SLC25A21: variants seen among roughly 807,000 people sequenced by gnomAD.
SLC25A21 encodes solute carrier family 25 member 21, also known as mitochondrial 2-oxodicarboxylate carrier.
SLC25A21 carries 47 observed loss-of-function variants against 43.8 expected under a neutral mutation model. The ratio of observed to expected loss-of-function variants is 1.07; its 90% CI spans 0.85 to 1.37. SLC25A21 has a LOEUF of 1.37. Ranked by LOEUF, SLC25A21 falls within the 40% of genes most tolerant of loss-of-function variation. SLC25A21 has a pLI of 0.00. For synonymous variants in SLC25A21, 131 were observed against 121.3 expected (o/e 1.08, Z -0.52); for missense variants, 352 against 350.2 (o/e 1.00, Z -0.04).
At chr14:37,001,718 A>G (rs1960494280) in intron 1 of SLC25A21, among the ~76,000 whole-genome samples, 2 of 152,118 alleles carry the variant, frequency 1.3e-5, no homozygotes, top group Admixed American at 6.6e-5. Context: ...CCTACTCACA[A>G]AGAGCTGACT....
At chr14:36,880,304 C>T (rs766253289) in intron 1 of SLC25A21, among the ~76,000 whole-genome samples, 64 of 152,308 alleles carry the variant, frequency 4.2e-4, no homozygotes, top group African/African-American at 1.5e-3. Context: ...CACAGCACAG[C>T]AACAAGACAG....
At chr14:36,822,802 T>G (rs985700625) in intron 2 of SLC25A21, among the ~76,000 whole-genome samples, 4 of 152,242 alleles carry the variant, frequency 2.6e-5, no homozygotes, top group African/African-American at 9.6e-5. Context: ...TGCAGTTCCT[T>G]TCACAAGCCA....
At chr14:36,798,554 G>C in intron 3 of SLC25A21, among the ~76,000 whole-genome samples, 1 of 123,624 alleles carries the variant, frequency 8.1e-6, no homozygotes, top group East Asian at 2.6e-4. Flanking sequence ...CCAGAGCTGG[G>C]TTTTTTTTTT....
At chr14:36,802,934 C>T (rs1887918224) in intron 3 of SLC25A21, among the ~76,000 whole-genome samples, 1 of 152,162 alleles carries the variant, frequency 6.6e-6, no homozygotes, top group Non-Finnish European at 1.5e-5. Flanking sequence ...CCAACACTTA[C>T]TGGCAAAATT....
intron 3 of SLC25A21, among the ~76,000 whole-genome samples, chr14:36,768,213 T>C (rs958552285): frequency 6.6e-6 from 1 of 152,178 alleles, no homozygotes; most frequent in Non-Finnish European, 1.5e-5. Context: ...GCCTAACTTG[T>C]TGACCAAGAG....
chr14:36,821,553 G>A (rs1238044700), intron 2 of SLC25A21, among the ~76,000 whole-genome samples: 1 of 151,914 alleles, frequency 6.6e-6, no homozygotes, highest in Non-Finnish European at 1.5e-5. Context: ...GTGGTGGCTC[G>A]CACCTGTAAT....
chr14:36,705,595 CCTCTGT>C (rs892426485), intron 7 of SLC25A21, among the ~76,000 whole-genome samples: 1 of 152,094 alleles, frequency 6.6e-6, no homozygotes, highest in African/African-American at 2.4e-5. Flanking sequence ...TCTGTCTCTG[CCTCTGT>C]CTCTGTCTCT....
chr14:36,933,119 C>G (rs191741543), intron 1 of SLC25A21, among the ~76,000 whole-genome samples: 1 of 152,088 alleles, frequency 6.6e-6, no homozygotes, highest in Non-Finnish European at 1.5e-5. Context: ...GGGCACACCC[C>G]TAGTTAGATC....
intron 7 of SLC25A21, among the ~76,000 whole-genome samples, chr14:36,694,381 A>C (rs953099730): frequency 6.6e-6 from 1 of 152,192 alleles, no homozygotes; most frequent in African/African-American, 2.4e-5. Context: ...ATATGTGTGC[A>C]TGTGTCTTTA....
intron 1 of SLC25A21, among the ~76,000 whole-genome samples, chr14:36,992,931 C>A (rs967399271): frequency 3.9e-5 from 6 of 152,140 alleles, no homozygotes; most frequent in African/African-American, 1.4e-4. Flanking sequence ...TTGTAAAAAA[C>A]CCACTTCCTT....
At chr14:36,957,484 T>A (rs964152933) in intron 1 of SLC25A21, among the ~76,000 whole-genome samples, 3 of 152,156 alleles carry the variant, frequency 2.0e-5, no homozygotes, top group African/African-American at 7.2e-5. Context: ...CATAAGTGGG[T>A]TGGGAGTAGG....
intron 1 of SLC25A21, among the ~76,000 whole-genome samples, chr14:36,898,203 CTT>C (rs1293023493): frequency 9.9e-5 from 15 of 152,190 alleles, no homozygotes; most frequent in Admixed American, 6.5e-4. Context: ...TTCCCGGCCT[CTT>C]TGTTTACCCA....
At chr14:36,951,038 C>A (rs567962171) in intron 1 of SLC25A21, among the ~76,000 whole-genome samples, 2 of 152,098 alleles carry the variant, frequency 1.3e-5, no homozygotes, top group Admixed American at 1.3e-4. Flanking sequence ...CTCTCTGCCC[C>A]CTAACTCTCC....
intron 1 of SLC25A21, among the ~76,000 whole-genome samples, chr14:37,122,129 A>C (rs1314969117): frequency 6.6e-6 from 1 of 152,212 alleles, no homozygotes; most frequent in Non-Finnish European, 1.5e-5. Flanking sequence ...TCCCAAACTT[A>C]TTTAACTAGA....
chr14:37,112,956 T>C (rs1963044865), intron 1 of SLC25A21, among the ~76,000 whole-genome samples: 1 of 151,580 alleles, frequency 6.6e-6, no homozygotes, highest in Admixed American at 6.6e-5. Flanking sequence ...GACTAAAAAA[T>C]GGAAACAAAA....
At chr14:37,143,616 GT>G (rs1963608362) in intron 1 of SLC25A21, among the ~76,000 whole-genome samples, 15 of 151,870 alleles carry the variant, frequency 9.9e-5, no homozygotes, top group Admixed American at 9.2e-4. Flanking sequence ...GTGTGTGTGT[GT>G]GTCTGTAATT....
chr14:36,738,931 C>T (rs1288592461), intron 3 of SLC25A21, among the ~76,000 whole-genome samples: 2 of 152,142 alleles, frequency 1.3e-5, no homozygotes, highest in African/African-American at 2.4e-5. Flanking sequence ...AATCAACTTT[C>T]ACAACAATCC....
intron 1 of SLC25A21, among the ~76,000 whole-genome samples, chr14:37,020,514 G>T (rs763442809): frequency 6.6e-6 from 1 of 150,718 alleles, no homozygotes; most frequent in Non-Finnish European, 1.5e-5. Context: ...TGGACATTCT[G>T]TTACAAAATA....
intron 1 of SLC25A21, among the ~76,000 whole-genome samples, chr14:37,156,794 G>T (rs1000024470): frequency 6.6e-6 from 1 of 152,092 alleles, no homozygotes; most frequent in Non-Finnish European, 1.5e-5. Flanking sequence ...AATAAGACTA[G>T]ATCTAAAGAG....
Sources: gnomAD v4.1 joint callset for allele counts (sites outside exome capture counted in the v4.1 genomes callset) on GRCh38, gnomAD v4.1.1 for gene constraint, MANE v1.5 for transcripts, NCBI Gene and HGNC (gene_info 2026-07-23, HGNC 2026-07-21) for gene names.